RGMA: variants seen among roughly 807,000 people sequenced by gnomAD.
RGMA encodes repulsive guidance molecule A.
Under a neutral mutation model 23.2 loss-of-function variants are expected in RGMA, and 10 were observed. The ratio of observed to expected loss-of-function variants is 0.43; its 90% CI spans 0.27 to 0.73. RGMA has a LOEUF of 0.73. RGMA is among the 30% of genes least tolerant of loss of function. RGMA has a pLI of 0.20. For synonymous variants in RGMA, 308 were observed against 279.3 expected (o/e 1.10, Z -1.03); for missense variants, 547 against 630.5 (o/e 0.87, Z 1.42).
chr15:93,050,731 C>T (rs960761960), intron 3 of RGMA, among the ~76,000 whole-genome samples: 1 of 152,164 alleles, frequency 6.6e-6, no homozygotes, highest in Non-Finnish European at 1.5e-5. Flanking sequence ...TCTGGAGGAG[C>T]GAGCCACCTG....
At chr15:93,053,713 C>A (rs1003348036) in intron 2 of RGMA, among the ~76,000 whole-genome samples, 3 of 152,180 alleles carry the variant, frequency 2.0e-5, no homozygotes, top group Non-Finnish European at 4.4e-5. Flanking sequence ...TGATCTCTCC[C>A]GCCTCTGCAG....
intron 1 of RGMA, chr15:93,073,788 C>G (rs756542016): frequency 2.0e-6 from 3 of 1,535,500 alleles, no homozygotes; most frequent in South Asian, 2.4e-5. Context: ...TCCAGCACCC[C>G]CTTCAAGCAC....
In RGMA at chr15:93,044,805, CCA is replaced by C; in HGVS notation, c.*191_*192del. ...AGCTCTACTGTCAAACATCATGGCA[CCA>C]GTCACCACAACCTTGTCACGTGCAC... On this transcript the variant is annotated 3_prime_UTR_variant, in exon 4 of 4. Transcript: ENST00000329082. 1 of 601,180 alleles carries C rather than the reference CCA, an allele frequency of 1.7e-6. No individual in the cohort carries two copies. Among genetic ancestry groups the C allele is most frequent in the Middle Eastern group, 4.4e-4 (1 of 2,248 alleles). The allele number at this position is 601,180 out of a possible 1,614,324, so 37.2% of individuals were successfully genotyped here. A position where few individuals can be genotyped will look rare whatever the true frequency, so the allele number is the denominator to read the frequency against.
intron 3 of RGMA, among the ~76,000 whole-genome samples, chr15:93,048,414 C>A (rs183338401): frequency 6.6e-6 from 1 of 152,266 alleles, no homozygotes; most frequent in Admixed American, 6.5e-5. Flanking sequence ...CTTGGGCACC[C>A]GGCGCTGTGC....
At chr15:93,088,266 T>G (rs1895673494) in intron 1 of RGMA, 1 of 716,192 alleles carries the variant, frequency 1.4e-6, no homozygotes. Context: ...CTGTCCCCCA[T>G]GCCCGGGCTT....
chr15:93,052,965 C>T (rs139789500), intron 2 of RGMA, among the ~76,000 whole-genome samples: 157 of 152,342 alleles, frequency 1.0e-3, no homozygotes, highest in Non-Finnish European at 1.8e-3. Context: ...AATGGCCTCC[C>T]GTCTCTGTGC....
intron 2 of RGMA, among the ~76,000 whole-genome samples, chr15:93,062,447 TGAC>T (rs1250974445): frequency 2.0e-5 from 3 of 152,224 alleles, no homozygotes; most frequent in Admixed American, 6.5e-5. Context: ...GGCAAAGATC[TGAC>T]GACAGGGACC....
At chr15:93,076,359 C>T (rs1446700254) in intron 1 of RGMA, among the ~76,000 whole-genome samples, 1 of 152,134 alleles carries the variant, frequency 6.6e-6, no homozygotes, top group African/African-American at 2.4e-5. Flanking sequence ...GAAGTCTTCT[C>T]AGGGGCAGTG....
At position 93,089,104 on chromosome 15, in the gene RGMA, G is replaced by A; in HGVS notation, c.-172C>T. The A allele has an allele frequency of 2.8e-6, 1 of 361,968 alleles. No individual in the cohort carries two copies. The highest frequency in any genetic ancestry group is 4.9e-6 in the Non-Finnish European group (1 of 204,450). The allele number at this position is 361,968 out of a possible 1,614,324, so 22.4% of individuals were successfully genotyped here. A position where few individuals can be genotyped will look rare whatever the true frequency, so the allele number is the denominator to read the frequency against. On this transcript the variant is annotated 5_prime_UTR_variant, in exon 1 of 4. It introduces an in-frame stop codon into an upstream open reading frame of the 5' UTR. Coordinates refer to ENST00000329082, the MANE Select transcript of RGMA (RefSeq NM_020211.3). ...GGGGAGCGCCTCCTGCTCCCGGGCT[G>A]CATGCCTGCGAGCGCCTGGCGGAGC...
At chr15:93,085,183 A>G (rs191868847) in intron 1 of RGMA, among the ~76,000 whole-genome samples, 1 of 150,152 alleles carries the variant, frequency 6.7e-6, no homozygotes, top group African/African-American at 2.4e-5. Context: ...AGCCAGGGTG[A>G]GCTGCTCCAA....
intron 2 of RGMA, among the ~76,000 whole-genome samples, chr15:93,054,604 C>T (rs974799082): frequency 6.6e-6 from 1 of 152,168 alleles, no homozygotes; most frequent in Non-Finnish European, 1.5e-5. Flanking sequence ...GATTGTGAGG[C>T]CTCCCCGGCC....
chr15:93,064,998 G>C (rs1406861958), intron 2 of RGMA, among the ~76,000 whole-genome samples: 1 of 148,040 alleles, frequency 6.8e-6, no homozygotes, highest in Non-Finnish European at 1.5e-5. Flanking sequence ...TTTTTTTTTA[G>C]ATGGAGTCTT....
chr15:93,042,473 G>C lies in RGMA; in HGVS notation c.*2525C>G, dbSNP rs968275795. 6.5e-6 allele frequency: 1 copy of C among 152,910 alleles called. No homozygotes were observed. Among genetic ancestry groups the C allele is most frequent in the African/African-American group, 2.4e-5 (1 of 41,458 alleles). The allele number at this position is 152,910 out of a possible 1,614,324, so 9.5% of individuals were successfully genotyped here. A position where few individuals can be genotyped will look rare whatever the true frequency, so the allele number is the denominator to read the frequency against. On this transcript the variant is annotated 3_prime_UTR_variant, in exon 4 of 4. Transcript: ENST00000329082. ...GGGACAGGCACCCCCCCATCTTCCA[G>C]AGAACAGCATGCAGGCTCAGAGAGG...
chr15:93,039,545 A>T lies in RGMA; in HGVS notation c.*5453T>A, dbSNP rs2054699912. On this transcript the variant is annotated 3_prime_UTR_variant, in exon 4 of 4. Coordinates refer to ENST00000329082, the MANE Select transcript of RGMA (RefSeq NM_020211.3). ...TTTCTCCTGATGCTCTCCCTCCCCCAGCCCCCCACCCACTGACAGGCCCCA... is the reference window on the plus strand; with the variant it reads ...TTTCTCCTGATGCTCTCCCTCCCCCTGCCCCCCACCCACTGACAGGCCCCA... The T allele has an allele frequency of 6.9e-6, 1 of 145,652 alleles. No individual in the cohort carries two copies. Among genetic ancestry groups the T allele is most frequent in the Admixed American group, 6.8e-5 (1 of 14,660 alleles). The allele number at this position is 145,652 out of a possible 1,614,324, so 9.0% of individuals were successfully genotyped here. A position where few individuals can be genotyped will look rare whatever the true frequency, so the allele number is the denominator to read the frequency against.
At chr15:93,049,357 G>C (rs2054880356) in intron 3 of RGMA, among the ~76,000 whole-genome samples, 1 of 152,216 alleles carries the variant, frequency 6.6e-6, no homozygotes, top group Non-Finnish European at 1.5e-5. Context: ...AAGTGCTATG[G>C]GGAAAACTAA....
chr15:93,088,523 G>A (rs1895680075), intron 1 of RGMA: 2 of 999,358 alleles, frequency 2.0e-6, no homozygotes, highest in Non-Finnish European at 2.4e-6. Flanking sequence ...TCGAGCGGGA[G>A]GCGGGGGCCC....
At chr15:93,060,899 A>G (rs1339187486) in intron 2 of RGMA, among the ~76,000 whole-genome samples, 1 of 152,156 alleles carries the variant, frequency 6.6e-6, no homozygotes, top group Admixed American at 6.5e-5. Flanking sequence ...TCACATAGGA[A>G]AGGCTGAAGT....
At chr15:93,050,592 C>T (rs939449271) in intron 3 of RGMA, among the ~76,000 whole-genome samples, 3 of 152,220 alleles carry the variant, frequency 2.0e-5, no homozygotes, top group African/African-American at 4.8e-5. Context: ...CCCTCCACTG[C>T]TCCACCCCGT....
chr15:93,056,571 C>T (rs1037299563), intron 2 of RGMA, among the ~76,000 whole-genome samples: 1 of 152,188 alleles, frequency 6.6e-6, no homozygotes, highest in Non-Finnish European at 1.5e-5. Flanking sequence ...AACCGTTGCA[C>T]ACAGGAACCA....
Sources: gnomAD v4.1 joint callset for allele counts (sites outside exome capture counted in the v4.1 genomes callset) on GRCh38, gnomAD v4.1.1 for gene constraint, MANE v1.5 for transcripts, NCBI Gene and HGNC (gene_info 2026-07-23, HGNC 2026-07-21) for gene names.